Variants in TOX3 observed in about 807,000 individuals in gnomAD.
TOX3 encodes the protein TOX high mobility group box family member 3.
A neutral mutation model predicts 64.3 loss-of-function variants in TOX3; 22 were observed. That is an observed-to-expected ratio of 0.34 (90% CI 0.24 to 0.49). TOX3 has a LOEUF of 0.49. Among genes scored for constraint, TOX3 ranks in the 20% least tolerant of loss-of-function variants. The probability of loss-of-function intolerance (pLI) is 0.99; values close to 1 mark genes in which losing one functional copy is unlikely to be tolerated. For synonymous variants in TOX3, 291 were observed against 273.6 expected (o/e 1.06, Z -0.63); for missense variants, 661 against 714.4 (o/e 0.93, Z 0.85).
chr16:52,516,064 T>C (rs1375463608), intron 1 of TOX3, among the ~76,000 whole-genome samples: 1 of 152,088 alleles, frequency 6.6e-6, no homozygotes, highest in Non-Finnish European at 1.5e-5. Context: ...ATCAATCACA[T>C]ATTACAGAAC....
intron 1 of TOX3, among the ~76,000 whole-genome samples, chr16:52,529,613 T>A (rs1369394532): frequency 6.6e-6 from 1 of 152,196 alleles, no homozygotes; most frequent in African/African-American, 2.4e-5. Context: ...GGAATGCATA[T>A]CCTACTGCCC....
intron 6 of TOX3, among the ~76,000 whole-genome samples, chr16:52,443,207 G>A (rs1175594714): frequency 2.0e-5 from 3 of 152,144 alleles, no homozygotes; most frequent in Non-Finnish European, 4.4e-5. Flanking sequence ...CACACAGTCA[G>A]CTGTTTTCTG....
At chr16:52,451,497 C>G (rs2151746887) in intron 3 of TOX3, among the ~76,000 whole-genome samples, 1 of 152,012 alleles carries the variant, frequency 6.6e-6, no homozygotes, top group South Asian at 2.1e-4. Context: ...ACATGTTTTT[C>G]AAATGACTTA....
chr16:52,536,627 CTATATATATATATATA>C (rs57164139), intron 1 of TOX3, among the ~76,000 whole-genome samples: 545 of 34,252 alleles, frequency 0.016, 12 homozygotes, highest in African/African-American at 0.043. Flanking sequence ...TAGATATACA[CTATATATATATATATA>C]TATATATATA....
At chr16:52,517,124 T>C (rs184007349) in intron 1 of TOX3, among the ~76,000 whole-genome samples, 11 of 152,278 alleles carry the variant, frequency 7.2e-5, no homozygotes, top group African/African-American at 2.4e-4. Context: ...GCTACCATAA[T>C]ACATGGCAGA....
At position 52,444,373 on chromosome 16, in the gene TOX3, A is replaced by G; in HGVS notation, c.907-17T>C. On this transcript the variant is annotated splice_polypyrimidine_tract_variant and intron_variant, in intron 5 of 6. Coordinates refer to ENST00000219746, the MANE Select transcript of TOX3 (RefSeq NM_001080430.4). ...TTTATATACCTATTAAAAGACCACA[A>G]TTAGCACCACCTTTAGCGTATAAAT... 1.3e-6 allele frequency: 2 copies of G among 1,541,928 alleles called. No individual in the cohort carries two copies. The highest frequency in any genetic ancestry group is 1.2e-5 in the South Asian group (1 of 83,212).
intron 1 of TOX3, among the ~76,000 whole-genome samples, chr16:52,511,298 C>A (rs1275831111): frequency 6.6e-6 from 1 of 152,090 alleles, no homozygotes; most frequent in Non-Finnish European, 1.5e-5. Flanking sequence ...TAGAGACCAG[C>A]CTGGCCAACA....
chr16:52,525,642 T>C (rs1368812779), intron 1 of TOX3, among the ~76,000 whole-genome samples: 1 of 152,160 alleles, frequency 6.6e-6, no homozygotes, highest in African/African-American at 2.4e-5. Flanking sequence ...GGGAAGTCCA[T>C]TTGAGTTCTA....
At chr16:52,543,306 C>T (rs148867761) in intron 1 of TOX3, among the ~76,000 whole-genome samples, 13 of 152,262 alleles carry the variant, frequency 8.5e-5, no homozygotes, top group African/African-American at 2.6e-4. Flanking sequence ...GTTCAGCATC[C>T]CTAATCCAAA....
chr16:52,444,171 C>T, intron 6 of TOX3, 105 bp downstream of exon 6: 4 of 832,062 alleles, frequency 4.8e-6, no homozygotes, highest in Non-Finnish European at 7.2e-6. Flanking sequence ...TTCAAGATGC[C>T]TTTCCATCAA....
chr16:52,537,716 G>A (rs1316085466), intron 1 of TOX3, among the ~76,000 whole-genome samples: 1 of 152,032 alleles, frequency 6.6e-6, no homozygotes, highest in Non-Finnish European at 1.5e-5. Flanking sequence ...CTACGAGCCT[G>A]GGCATGGGAC....
chr16:52,442,422 G>A (rs1011417353), intron 6 of TOX3, among the ~76,000 whole-genome samples: 1 of 151,974 alleles, frequency 6.6e-6, no homozygotes, highest in African/African-American at 2.4e-5. Context: ...CTTATATAAC[G>A]GCCCTTATAT....
At chr16:52,494,566 C>A (rs1316170783) in intron 1 of TOX3, among the ~76,000 whole-genome samples, 1 of 152,218 alleles carries the variant, frequency 6.6e-6, no homozygotes, top group Non-Finnish European at 1.5e-5. Flanking sequence ...TCCTTTAAGG[C>A]TATCTCAGTA....
At chr16:52,498,535 A>G in intron 1 of TOX3, among the ~76,000 whole-genome samples, 1 of 152,142 alleles carries the variant, frequency 6.6e-6, no homozygotes, top group East Asian at 1.9e-4. Flanking sequence ...TTCATTAGGC[A>G]GTCACTTGAC....
chr16:52,489,326 C>T (rs1034569903), intron 1 of TOX3, among the ~76,000 whole-genome samples: 2 of 152,166 alleles, frequency 1.3e-5, no homozygotes, highest in African/African-American at 2.4e-5. Flanking sequence ...GTGTCCATCT[C>T]CACATTGTGA....
At chr16:52,452,411 A>G (rs950054437) in intron 3 of TOX3, among the ~76,000 whole-genome samples, 3 of 152,118 alleles carry the variant, frequency 2.0e-5, no homozygotes, top group African/African-American at 7.2e-5. Context: ...TATAAAGGAC[A>G]TGAACTCTTC....
chr16:52,496,304 A>C (rs1196495004), intron 1 of TOX3, among the ~76,000 whole-genome samples: 2 of 152,354 alleles, frequency 1.3e-5, no homozygotes, highest in Admixed American at 6.5e-5. Flanking sequence ...ACTTGCAGTA[A>C]TAATTTTTGA....
At chr16:52,510,111 C>A (rs1962262779) in intron 1 of TOX3, among the ~76,000 whole-genome samples, 3 of 146,544 alleles carry the variant, frequency 2.0e-5, no homozygotes, top group African/African-American at 5.1e-5. Flanking sequence ...GTTGCATTTC[C>A]AAGGGAAAGA....
intron 1 of TOX3, among the ~76,000 whole-genome samples, chr16:52,526,555 G>A (rs912244887): frequency 6.6e-6 from 1 of 151,540 alleles, no homozygotes; most frequent in African/African-American, 2.4e-5. Context: ...GATGGGGGTG[G>A]TGGGGGAGGG....
Sources: allele counts gnomAD v4.1 joint callset (sites outside exome capture counted in the v4.1 genomes callset), GRCh38; gene constraint gnomAD v4.1.1; transcripts MANE v1.5; gene names NCBI Gene and HGNC (gene_info 2026-07-23, HGNC 2026-07-21).